Variants in OPCML observed in about 807,000 individuals in gnomAD.
OPCML encodes the protein opioid binding protein/cell adhesion molecule like, also known as opioid-binding protein/cell adhesion molecule.
OPCML carries 13 observed loss-of-function variants against 37.8 expected under a neutral mutation model. The observed-to-expected ratio is 0.34, with a 90% CI of 0.22 to 0.55. OPCML has a LOEUF of 0.55. OPCML is among the 20% of genes least tolerant of loss of function. OPCML has a pLI of 0.91. For missense variants in OPCML, 341 were observed against 435.6 expected (o/e 0.78, Z 1.93); for synonymous variants, 176 against 168.8 (o/e 1.04, Z -0.33).
intron 1 of OPCML, among the ~76,000 whole-genome samples, chr11:133,288,252 C>G (rs1942360415): frequency 6.6e-6 from 1 of 152,202 alleles, no homozygotes; most frequent in Non-Finnish European, 1.5e-5. Context: ...ACCTCCTGTT[C>G]TCTCTGTGGA....
In OPCML at chr11:132,415,529, G is replaced by A. The variant is rs1258651755; in HGVS notation, c.*4664C>T. ...ATAAATCTGCCAAATAACATAGAAT[G>A]TAGCCTCAAAAGGATGGTCGAGGGT... On this transcript the variant is annotated 3_prime_UTR_variant, in exon 8 of 8. Coordinates refer to ENST00000524381, the MANE Select transcript of OPCML (RefSeq NM_001012393.5). 6.6e-6 allele frequency: 1 copy of A among 152,184 alleles called. No individual in the cohort carries two copies. Among genetic ancestry groups the A allele is most frequent in the African/African-American group, 2.4e-5 (1 of 41,448 alleles). 9.4% of individuals were successfully genotyped at this position (152,184 alleles called of 1,614,324 possible). A position where few individuals can be genotyped will look rare whatever the true frequency, so the allele number is the denominator to read the frequency against.
intron 1 of OPCML, among the ~76,000 whole-genome samples, chr11:132,955,837 C>T (rs1233839833): frequency 3.3e-5 from 5 of 152,176 alleles, no homozygotes; most frequent in East Asian, 1.9e-4. Context: ...GAGCCGAGAT[C>T]GCACCATTGC....
At chr11:132,741,864 T>C (rs910036565) in intron 2 of OPCML, among the ~76,000 whole-genome samples, 9 of 151,138 alleles carry the variant, frequency 6.0e-5, no homozygotes, top group African/African-American at 1.9e-4. Context: ...CCGTCTCTAC[T>C]AAAAAAAACA....
At chr11:133,517,447 T>A (rs1464818048) in intron 1 of OPCML, among the ~76,000 whole-genome samples, 1 of 152,208 alleles carries the variant, frequency 6.6e-6, no homozygotes, top group Non-Finnish European at 1.5e-5. Context: ...TGGAAAGTGA[T>A]CGTGTACTGC....
At position 133,073,821 on chromosome 11, in the gene OPCML, A is replaced by G. The variant is rs114177482; in HGVS notation, c.62-130811T>C. Among the ~76,000 whole-genome samples, 335 of 152,350 alleles carry G rather than the reference A, an allele frequency of 2.2e-3. 1 individual carries two copies. The highest frequency in any genetic ancestry group is 7.6e-3 in the African/African-American group (317 of 41,580). On this transcript the variant is annotated intron_variant, in intron 1 of 7. Transcript: ENST00000524381. ...CCAGATACACGGCTATGTACTTTAT[A>G]TATGTTAGCTCACTGAAAACTCACA...
chr11:132,670,896 T>C (rs528600466), intron 2 of OPCML, among the ~76,000 whole-genome samples: 1 of 152,272 alleles, frequency 6.6e-6, no homozygotes, highest in South Asian at 2.1e-4. Flanking sequence ...TACACATACA[T>C]CAGTTTTACA....
chr11:132,458,437 T>C (rs375004337), intron 4 of OPCML, among the ~76,000 whole-genome samples: 3 of 152,216 alleles, frequency 2.0e-5, no homozygotes, highest in South Asian at 2.1e-4. Flanking sequence ...CTTTTCAGCC[T>C]GTCTTGCATG....
intron 1 of OPCML, among the ~76,000 whole-genome samples, chr11:133,446,903 T>C (rs1029205424): frequency 2.8e-4 from 43 of 152,258 alleles, no homozygotes; most frequent in Non-Finnish European, 1.5e-4. Flanking sequence ...GTACATTGCA[T>C]AGATTACTAC....
intron 2 of OPCML, among the ~76,000 whole-genome samples, chr11:132,793,623 C>T (rs1375527320): frequency 6.6e-6 from 1 of 152,176 alleles, no homozygotes; most frequent in African/African-American, 2.4e-5. Context: ...GAGGCCAATT[C>T]TACCTTTCTA....
At chr11:133,128,114 G>A (rs186199769) in intron 1 of OPCML, among the ~76,000 whole-genome samples, 5 of 151,516 alleles carry the variant, frequency 3.3e-5, no homozygotes, top group East Asian at 1.9e-4. Context: ...ACTCTTTACC[G>A]CAGGTTTCCT....
intron 2 of OPCML, among the ~76,000 whole-genome samples, chr11:132,678,216 T>C (rs1035220050): frequency 6.6e-5 from 10 of 152,144 alleles, no homozygotes; most frequent in Admixed American, 2.0e-4. Flanking sequence ...CCTATTAACC[T>C]GGCCAAAATC....
intron 2 of OPCML, among the ~76,000 whole-genome samples, chr11:132,659,731 T>TGTGTGC (rs2135781473): frequency 6.6e-6 from 1 of 152,218 alleles, no homozygotes; most frequent in Non-Finnish European, 1.5e-5. Flanking sequence ...TGTGTGTGTG[T>TGTGTGC]ATTTGTTCAG....
At chr11:133,509,175 A>G (rs999881149) in intron 1 of OPCML, among the ~76,000 whole-genome samples, 2 of 152,074 alleles carry the variant, frequency 1.3e-5, no homozygotes, top group Non-Finnish European at 2.9e-5. Context: ...TCACCTAGGT[A>G]TTAAGGCCCG....
intron 1 of OPCML, among the ~76,000 whole-genome samples, chr11:133,151,637 T>C (rs1949988623): frequency 6.6e-6 from 1 of 152,140 alleles, no homozygotes; most frequent in African/African-American, 2.4e-5. Context: ...TTCACTAGTT[T>C]GGGGTTTGCT....
chr11:132,512,819 C>T (rs1431698355), intron 4 of OPCML, among the ~76,000 whole-genome samples: 1 of 151,472 alleles, frequency 6.6e-6, no homozygotes, highest in Non-Finnish European at 1.5e-5. Flanking sequence ...TCAGTGTTTG[C>T]CTCAAGTTGA....
intron 1 of OPCML, among the ~76,000 whole-genome samples, chr11:133,256,080 T>C (rs1469357336): frequency 6.6e-6 from 1 of 152,224 alleles, no homozygotes; most frequent in African/African-American, 2.4e-5. Flanking sequence ...TGTACTCTTA[T>C]TTATATGGAT....
intron 1 of OPCML, among the ~76,000 whole-genome samples, chr11:133,036,650 A>T (rs1266108442): frequency 6.6e-6 from 1 of 152,258 alleles, no homozygotes; most frequent in African/African-American, 2.4e-5. Flanking sequence ...GAGCATATGA[A>T]GCTGAGAAAA....
At chr11:132,747,805 G>A (rs1945687191) in intron 2 of OPCML, among the ~76,000 whole-genome samples, 2 of 152,164 alleles carry the variant, frequency 1.3e-5, no homozygotes, top group Non-Finnish European at 2.9e-5. Context: ...AATGGCAGAT[G>A]CAATATGCTG....
At chr11:132,726,187 C>T (rs971061707) in intron 2 of OPCML, among the ~76,000 whole-genome samples, 12 of 152,186 alleles carry the variant, frequency 7.9e-5, no homozygotes, top group African/African-American at 2.9e-4. Context: ...TAAAGACAGA[C>T]ATGAGACTGG....
Sources: gnomAD v4.1 joint callset for allele counts (sites outside exome capture counted in the v4.1 genomes callset) on GRCh38, gnomAD v4.1.1 for gene constraint, MANE v1.5 for transcripts, NCBI Gene and HGNC (gene_info 2026-07-23, HGNC 2026-07-21) for gene names.